KSR2: variants seen among roughly 807,000 people sequenced by gnomAD.
KSR2 encodes kinase suppressor of ras 2.
A neutral mutation model predicts 107.8 loss-of-function variants in KSR2; 25 were observed. The ratio of observed to expected loss-of-function variants is 0.23; its 90% confidence interval spans 0.17 to 0.32. The LOEUF (loss-of-function observed/expected upper bound fraction) is 0.32, where lower values mean the gene tolerates loss of function less well. Among genes scored for constraint, KSR2 ranks in the 10% least tolerant of loss-of-function variants. KSR2 has a pLI of 1.00. For missense variants in KSR2, 887 were observed against 1,268.9 expected, an observed-to-expected ratio of 0.70 and a Z score of 4.57; for synonymous variants, 480 against 507.0, an observed-to-expected ratio of 0.95 and a Z score of 0.71.
chr12:117,851,803 A>T (rs766178466), intron 3 of KSR2, among the ~76,000 whole-genome samples: 8 of 152,114 alleles, frequency 5.3e-5, no homozygotes, highest in Non-Finnish European at 1.0e-4. Flanking sequence ...AGGCAAGGGA[A>T]TCACTTGAAT....
intron 14 of KSR2, among the ~76,000 whole-genome samples, chr12:117,499,475 T>C (rs1873245359): frequency 6.6e-6 from 1 of 152,230 alleles, no homozygotes; most frequent in African/African-American, 2.4e-5. Context: ...GTTTATTCTG[T>C]AGACGGTTTG....
chr12:117,558,680 T>C, intron 7 of KSR2, 107 bp from the exon 8 acceptor site: 2 of 782,012 alleles, frequency 2.6e-6, no homozygotes, highest in South Asian at 2.9e-5. Context: ...GATGAATGGA[T>C]GGGTGAATGG....
At chr12:117,526,323 A>C (rs1490974605) in intron 13 of KSR2, among the ~76,000 whole-genome samples, 1 of 152,192 alleles carries the variant, frequency 6.6e-6, no homozygotes, top group Non-Finnish European at 1.5e-5. Context: ...ATTCTCCTGC[A>C]GAATTGTGGG....
chr12:117,866,771 G>A (rs1893483845), intron 1 of KSR2, among the ~76,000 whole-genome samples: 2 of 152,084 alleles, frequency 1.3e-5, no homozygotes, highest in South Asian at 2.1e-4. Context: ...GGAGGTTGCA[G>A]TGACCCAAGA....
In KSR2 at chr12:117,896,296, T is replaced by G. The variant is rs185374346; in HGVS notation, c.181-35865A>C. ...CACAAAAGGCCACATATAGTATGAT[T>G]CCACTGAAATAAAATGTCTAGAAAA... is the stretch of plus-strand genomic sequence containing the variant. On this transcript the variant is annotated intron_variant, in intron 1 of 19. Transcript: ENST00000339824. Among the ~76,000 whole-genome samples, 521 of 152,242 alleles carry G rather than the reference T, an allele frequency of 3.4e-3. 2 individuals are homozygous for G. Among genetic ancestry groups the G allele is most frequent in the Middle Eastern group, 6.8e-3 (2 of 294 alleles).
chr12:117,804,368 A>G (rs772670961), intron 3 of KSR2, among the ~76,000 whole-genome samples: 2 of 152,164 alleles, frequency 1.3e-5, no homozygotes, highest in Non-Finnish European at 2.9e-5. Context: ...CTGATTTCAC[A>G]CTACAATGGC....
At chr12:117,539,415 C>T (rs1365885683) in intron 10 of KSR2, 2 of 339,908 alleles carry the variant, frequency 5.9e-6, no homozygotes, top group East Asian at 1.0e-4. Context: ...TGGGTTGTAG[C>T]TCGCCAAAAG....
intron 10 of KSR2, among the ~76,000 whole-genome samples, chr12:117,537,547 T>C (rs1876139157): frequency 6.6e-6 from 1 of 152,234 alleles, no homozygotes. Context: ...ATGATCTCCA[T>C]TTTATAGATG....
At chr12:117,473,875 T>C (rs1404206326) in intron 17 of KSR2, among the ~76,000 whole-genome samples, 1 of 152,200 alleles carries the variant, frequency 6.6e-6, no homozygotes, top group Non-Finnish European at 1.5e-5. Context: ...CACTGAGCCA[T>C]CTGAAGCCTC....
At chr12:117,692,612 T>C (rs1050057340) in intron 4 of KSR2, among the ~76,000 whole-genome samples, 2 of 151,398 alleles carry the variant, frequency 1.3e-5, no homozygotes, top group Non-Finnish European at 2.9e-5. Context: ...CCTATGTTCA[T>C]AGCAGCATTT....
At chr12:117,965,337 T>C (rs1231405520) in intron 1 of KSR2, among the ~76,000 whole-genome samples, 1 of 152,254 alleles carries the variant, frequency 6.6e-6, no homozygotes, top group Non-Finnish European at 1.5e-5. Context: ...TCTTGTTACA[T>C]GAAGAGAAAC....
At chr12:117,750,719 C>A (rs954655091) in intron 4 of KSR2, among the ~76,000 whole-genome samples, 6 of 152,102 alleles carry the variant, frequency 3.9e-5, no homozygotes, top group Admixed American at 3.3e-4. Context: ...CATGTGTACA[C>A]AAATGTGTAG....
At chr12:117,583,857 G>T (rs2650169) in intron 5 of KSR2, among the ~76,000 whole-genome samples, 139,166 of 152,278 alleles carry the variant, frequency 0.91, 63,811 homozygotes, top group East Asian at 0.99. Flanking sequence ...TCAGGCCAGA[G>T]GGATGGAGCC....
At chr12:117,573,554 G>A (rs1304712813) in intron 7 of KSR2, among the ~76,000 whole-genome samples, 2 of 145,860 alleles carry the variant, frequency 1.4e-5, no homozygotes, top group African/African-American at 2.6e-5. Flanking sequence ...TTGAGATAGG[G>A]TCTCACTCTG....
intron 3 of KSR2, among the ~76,000 whole-genome samples, chr12:117,777,428 A>G (rs1331388156): frequency 1.3e-5 from 2 of 152,192 alleles, no homozygotes; most frequent in Non-Finnish European, 2.9e-5. Flanking sequence ...GACCACAGAA[A>G]GGACACTGCT....
intron 4 of KSR2, among the ~76,000 whole-genome samples, chr12:117,740,494 GTTATATATTACATTTATATAA>G (rs1888153353): frequency 7.9e-6 from 1 of 126,216 alleles, no homozygotes; most frequent in Non-Finnish European, 1.6e-5. Flanking sequence ...TAATATATAT[GTTATATATTACATTTATATAA>G]TATATAGTAC....
At chr12:117,564,274 T>C (rs1878315533) in intron 7 of KSR2, among the ~76,000 whole-genome samples, 1 of 152,194 alleles carries the variant, frequency 6.6e-6, no homozygotes, top group Non-Finnish European at 1.5e-5. Flanking sequence ...GGGAAGGTCC[T>C]ATATGGTTCC....
At chr12:117,735,632 C>G (rs1183442468) in intron 4 of KSR2, among the ~76,000 whole-genome samples, 1 of 152,114 alleles carries the variant, frequency 6.6e-6, no homozygotes, top group Non-Finnish European at 1.5e-5. Flanking sequence ...ATGTATCATT[C>G]CGCTTGTGGT....
chr12:117,680,087 G>C (rs1885306238), intron 4 of KSR2, among the ~76,000 whole-genome samples: 1 of 152,128 alleles, frequency 6.6e-6, no homozygotes, highest in Non-Finnish European at 1.5e-5. Context: ...CCTGCTTTAA[G>C]GGTCTGCTTG....
Sources: gnomAD v4.1 joint callset for allele counts (sites outside exome capture counted in the v4.1 genomes callset) on GRCh38, gnomAD v4.1.1 for gene constraint, MANE v1.5 for transcripts, NCBI Gene and HGNC (gene_info 2026-07-23, HGNC 2026-07-21) for gene names.